EYS: variants seen among roughly 807,000 people sequenced by gnomAD.
The protein encoded by EYS is protein eyes shut homolog.
In EYS, 250 loss-of-function variants were observed where a neutral mutation model predicts 282.1. The observed-to-expected ratio is 0.89, with a 90% CI of 0.80 to 0.98. EYS has a LOEUF of 0.98. EYS is among the 50% of genes least tolerant of loss of function. The pLI, the probability that EYS is intolerant of heterozygous loss-of-function variation, is 0.00. For synonymous variants in EYS, 1,355 were observed against 1,282.9 expected, an observed-to-expected ratio of 1.06 and a Z score of -1.20; for missense variants, 4,016 against 3,709.0, an observed-to-expected ratio of 1.08 and a Z score of -2.15.
chr6:65,077,512 T>C (rs16880341), intron 12 of EYS, among the ~76,000 whole-genome samples: 1 of 152,098 alleles, frequency 6.6e-6, no homozygotes, highest in African/African-American at 2.4e-5. Context: ...CGCAAATAAA[T>C]GCATTAAGTT....
intron 12 of EYS, among the ~76,000 whole-genome samples, chr6:65,131,105 T>C (rs1476001940): frequency 6.6e-6 from 1 of 151,832 alleles, no homozygotes; most frequent in East Asian, 1.9e-4. Context: ...AAATGATTAA[T>C]ACTGTCAAGC....
intron 36 of EYS, among the ~76,000 whole-genome samples, chr6:63,844,546 T>C (rs1286028512): frequency 6.6e-6 from 1 of 152,188 alleles, no homozygotes; most frequent in Non-Finnish European, 1.5e-5. Context: ...ATAGTCACCA[T>C]TTGGACTGAT....
At chr6:64,680,332 C>G (rs184305021) in intron 22 of EYS, among the ~76,000 whole-genome samples, 1 of 152,118 alleles carries the variant, frequency 6.6e-6, no homozygotes, top group South Asian at 2.1e-4. Context: ...ACAAAATGAT[C>G]ATTTTATGTT....
chr6:64,259,910 G>C (rs187701002), intron 30 of EYS, among the ~76,000 whole-genome samples: 1 of 152,034 alleles, frequency 6.6e-6, no homozygotes, highest in East Asian at 1.9e-4. Context: ...ATCTGCCTAA[G>C]GTGCCTGTGG....
At chr6:64,178,346 C>T (rs1273696204) in intron 31 of EYS, among the ~76,000 whole-genome samples, 1 of 152,040 alleles carries the variant, frequency 6.6e-6, no homozygotes, top group Non-Finnish European at 1.5e-5. Context: ...CAGGCCCTTT[C>T]CTTGGTTTAG....
At chr6:64,306,380 G>T (rs1769444967) in intron 30 of EYS, among the ~76,000 whole-genome samples, 1 of 151,822 alleles carries the variant, frequency 6.6e-6, no homozygotes, top group African/African-American at 2.4e-5. Context: ...TTTTATAAGG[G>T]GTCATTTTAA....
chr6:65,022,176 T>G (rs78519826), intron 13 of EYS, among the ~76,000 whole-genome samples: 1,575 of 152,344 alleles, frequency 0.01, 21 homozygotes, highest in African/African-American at 0.036. Flanking sequence ...AGGATTTCTT[T>G]TTTCTCCTAA....
chr6:64,967,352 T>C (rs1222208955), intron 14 of EYS, among the ~76,000 whole-genome samples: 3 of 150,622 alleles, frequency 2.0e-5, no homozygotes, highest in Admixed American at 2.0e-4. Flanking sequence ...TAAGACAGAG[T>C]CTCACTCTGT....
At chr6:64,331,198 AT>A (rs1172124031) in intron 29 of EYS, among the ~76,000 whole-genome samples, 1 of 152,134 alleles carries the variant, frequency 6.6e-6, no homozygotes, top group African/African-American at 2.4e-5. Flanking sequence ...GACTCAAGGT[AT>A]GTTTTTGCCA....
chr6:65,524,408 T>C (rs1257652430), intron 2 of EYS, among the ~76,000 whole-genome samples: 1 of 152,240 alleles, frequency 6.6e-6, no homozygotes, highest in Non-Finnish European at 1.5e-5. Flanking sequence ...AGCATTTTGC[T>C]ACTGGGTCAG....
chr6:65,469,560 G>A (rs540046682), intron 5 of EYS, among the ~76,000 whole-genome samples: 1 of 151,962 alleles, frequency 6.6e-6, no homozygotes, highest in Admixed American at 6.6e-5. Flanking sequence ...TCAAATCTAT[G>A]AGTCACATGA....
chr6:63,992,327 C>G (rs781105860), intron 34 of EYS, among the ~76,000 whole-genome samples: 1 of 151,394 alleles, frequency 6.6e-6, no homozygotes, highest in East Asian at 1.9e-4. Context: ...TTAAAGATTT[C>G]AACTTATTTT....
At chr6:64,280,138 G>A (rs1381170150) in intron 30 of EYS, among the ~76,000 whole-genome samples, 1 of 152,120 alleles carries the variant, frequency 6.6e-6, no homozygotes, top group African/African-American at 2.4e-5. Flanking sequence ...ACTGTTGGTA[G>A]AAATGTAAGC....
intron 12 of EYS, among the ~76,000 whole-genome samples, chr6:65,195,811 C>A (rs1403308643): frequency 6.6e-6 from 1 of 151,988 alleles, no homozygotes; most frequent in East Asian, 1.9e-4. Flanking sequence ...GTGAAAAATG[C>A]TGCTTCATAC....
chr6:65,265,678 G>A (rs1767735131), intron 12 of EYS, among the ~76,000 whole-genome samples: 1 of 151,958 alleles, frequency 6.6e-6, no homozygotes, highest in Admixed American at 6.6e-5. Flanking sequence ...GAACTACTCA[G>A]AAAACAGGAT....
At chr6:64,355,028 C>T (rs911555591) in intron 29 of EYS, among the ~76,000 whole-genome samples, 3 of 151,428 alleles carry the variant, frequency 2.0e-5, no homozygotes, top group Non-Finnish European at 4.4e-5. Flanking sequence ...TCATATGTTT[C>T]TTTAAAACAA....
intron 2 of EYS, among the ~76,000 whole-genome samples, chr6:65,539,698 T>C (rs1283387049): frequency 6.6e-6 from 1 of 152,168 alleles, no homozygotes; most frequent in Non-Finnish European, 1.5e-5. Context: ...TGAAGCTTCG[T>C]TTTCAATATA....
intron 2 of EYS, among the ~76,000 whole-genome samples, chr6:65,511,814 G>A (rs949829851): frequency 6.6e-6 from 1 of 151,748 alleles, no homozygotes; most frequent in South Asian, 2.1e-4. Flanking sequence ...CTAGCTGGGT[G>A]TGATGGCACA....
At chr6:65,615,332 A>T (rs1418966125) in intron 2 of EYS, among the ~76,000 whole-genome samples, 4 of 151,380 alleles carry the variant, frequency 2.6e-5, no homozygotes, top group Admixed American at 1.3e-4. Context: ...TACTCTGAGG[A>T]AAATAATTCA....
Sources: allele counts gnomAD v4.1 joint callset (sites outside exome capture counted in the v4.1 genomes callset), GRCh38; gene constraint gnomAD v4.1.1; transcripts MANE v1.5; gene names NCBI Gene and HGNC (gene_info 2026-07-23, HGNC 2026-07-21).